The following ATG7 variants were observed in gnomAD, a reference collection of about 807,000 sequenced individuals.
ATG7 encodes autophagy related 7, also known as ubiquitin-like modifier-activating enzyme ATG7.
A neutral mutation model predicts 82.4 loss-of-function variants in ATG7; 70 were observed. That is an observed-to-expected ratio of 0.85 (90% CI 0.70 to 1.04). ATG7 has a LOEUF of 1.04. Ranked by LOEUF, ATG7 falls within the 50% of genes least tolerant of loss-of-function variation. The pLI, the probability that ATG7 is intolerant of heterozygous loss-of-function variation, is 0.00. For missense variants in ATG7, 792 were observed against 864.3 expected (o/e 0.92, Z 1.05); for synonymous variants, 287 against 313.0 (o/e 0.92, Z 0.88).
intron 15 of ATG7, among the ~76,000 whole-genome samples, chr3:11,359,078 G>A (rs11713733): frequency 0.2 from 30,857 of 151,788 alleles, 3,554 homozygotes; most frequent in South Asian, 0.35. Context: ...ATACAATATT[G>A]TATATATTTT....
chr3:11,477,309 T>G, intron 20 of ATG7: 1 of 1,193,338 alleles, frequency 8.4e-7, no homozygotes. Context: ...TAAATAAGAA[T>G]TTTTGTGCTA....
At chr3:11,517,751 C>G (rs1278997062) in intron 20 of ATG7, among the ~76,000 whole-genome samples, 1 of 152,228 alleles carries the variant, frequency 6.6e-6, no homozygotes, top group Non-Finnish European at 1.5e-5. Flanking sequence ...AGAGGAGAAA[C>G]CATCTGTGAC....
chr3:11,302,199 T>C (rs1181632625), intron 5 of ATG7, among the ~76,000 whole-genome samples: 1 of 150,972 alleles, frequency 6.6e-6, no homozygotes, highest in Non-Finnish European at 1.5e-5. Context: ...GCTAATTAAC[T>C]GTGCTACTTC....
At chr3:11,322,954 C>T (rs918585422) in intron 9 of ATG7, among the ~76,000 whole-genome samples, 1 of 152,146 alleles carries the variant, frequency 6.6e-6, no homozygotes, top group Non-Finnish European at 1.5e-5. Context: ...TAAAAATTAG[C>T]TAGGTGTGGT....
intron 9 of ATG7, among the ~76,000 whole-genome samples, chr3:11,319,604 G>A (rs575345397): frequency 6.6e-6 from 1 of 152,254 alleles, no homozygotes; most frequent in East Asian, 1.9e-4. Context: ...TCTGGACCCC[G>A]GGCCATATTA....
At chr3:11,574,071 C>T in the ATG7 span, among the ~76,000 whole-genome samples, 35 of 152,296 alleles carry the variant, frequency 2.3e-4, no homozygotes, top group Admixed American at 1.0e-3. Flanking sequence ...CCACAGCCCT[C>T]AGAAGCAGCC....
chr3:11,363,669 G>A (rs550337964), intron 17 of ATG7, among the ~76,000 whole-genome samples: 2 of 152,320 alleles, frequency 1.3e-5, no homozygotes, highest in African/African-American at 4.8e-5. Flanking sequence ...ATAGTAAATG[G>A]AAAAGCCAGG....
At chr3:11,482,547 A>G (rs1300568610) in intron 20 of ATG7, among the ~76,000 whole-genome samples, 1 of 152,022 alleles carries the variant, frequency 6.6e-6, no homozygotes, top group Non-Finnish European at 1.5e-5. Flanking sequence ...CCCCTGCTCC[A>G]CCTGGGTCTA....
chr3:11,362,528 G>T (rs549339816), intron 16 of ATG7, among the ~76,000 whole-genome samples: 2 of 152,316 alleles, frequency 1.3e-5, no homozygotes, highest in South Asian at 4.1e-4. Context: ...ACATGATGCA[G>T]TTCCATTATA....
In ATG7 at chr3:11,307,009, G is replaced by A. The variant is rs1947861522; in HGVS notation, c.282G>A (p.Glu94=). ...IGTLYNTNTL[E]SFKTADKKLL... ...CACTGTATAACACCAACACACTCGA[G>A]TCTTTCAAGACTGCAGATAAGAAGC... The change falls in exon 6 of 21, where the codon GAG becomes GAA. Residue 94 remains glutamate, a synonymous_variant. Coordinates refer to ENST00000693202, the MANE Select transcript of ATG7 (RefSeq NM_001349232.2). 1.2e-6 allele frequency: 2 copies of A among 1,614,076 alleles called. No homozygotes were observed. Among genetic ancestry groups the A allele is most frequent in the Non-Finnish European group, 1.7e-6 (2 of 1,180,008 alleles).
intron 9 of ATG7, among the ~76,000 whole-genome samples, chr3:11,319,746 G>A (rs116428120): frequency 0.022 from 3,411 of 152,204 alleles, 121 homozygotes; most frequent in African/African-American, 0.078. Context: ...TTATCCTACC[G>A]GACAGCTGTC....
At chr3:11,534,679 G>C (rs1409915808) in intron 20 of ATG7, among the ~76,000 whole-genome samples, 3 of 152,242 alleles carry the variant, frequency 2.0e-5, no homozygotes, top group Admixed American at 1.3e-4. Flanking sequence ...AATGGCCCTA[G>C]TGGTGTCAAA....
chr3:11,300,002 G>A (rs1946533390), intron 5 of ATG7, among the ~76,000 whole-genome samples: 1 of 151,236 alleles, frequency 6.6e-6, no homozygotes, highest in Non-Finnish European at 1.5e-5. Context: ...TCAGCCCACT[G>A]CAACCTCTTC....
chr3:11,316,811 G>C (rs993555751), intron 9 of ATG7, among the ~76,000 whole-genome samples: 17 of 152,150 alleles, frequency 1.1e-4, no homozygotes, highest in African/African-American at 4.1e-4. Context: ...AAGATTATGA[G>C]TGTTATGAAG....
At chr3:11,525,556 C>CTT (rs58430409) in intron 20 of ATG7, among the ~76,000 whole-genome samples, 94 of 123,670 alleles carry the variant, frequency 7.6e-4, no homozygotes, top group Middle Eastern at 4.1e-3. Flanking sequence ...TAGTTATAGC[C>CTT]TTTTTTTTTT....
In ATG7 at chr3:11,554,971, TCC is replaced by T; in HGVS notation, c.*133_*134del. The T allele has an allele frequency of 8.2e-7, 1 of 1,214,150 alleles. No homozygotes were observed. The highest frequency in any genetic ancestry group is 1.1e-6 in the Non-Finnish European group (1 of 885,178). The allele number at this position is 1,214,150 out of a possible 1,614,324, so 75.2% of individuals were successfully genotyped here. A position where few individuals can be genotyped will look rare whatever the true frequency, so the allele number is the denominator to read the frequency against. ...TCCTCCATACCCCGAGGTCTGGGATTCCCCCCTCTGCTGCCCAGGAGTGGCCA... is the reference window on the plus strand; with the variant it reads ...TCCTCCATACCCCGAGGTCTGGGATTCCCCTCTGCTGCCCAGGAGTGGCCA... On this transcript the variant is annotated 3_prime_UTR_variant, in exon 21 of 21. Transcript: ENST00000693202.
chr3:11,315,836 C>G (rs1949331550), intron 9 of ATG7, among the ~76,000 whole-genome samples: 1 of 152,206 alleles, frequency 6.6e-6, no homozygotes, highest in Non-Finnish European at 1.5e-5. Flanking sequence ...AAGCGATTCT[C>G]CTGGTCAGCC....
At chr3:11,429,220 G>A (rs2082635280) in intron 20 of ATG7, among the ~76,000 whole-genome samples, 2 of 152,306 alleles carry the variant, frequency 1.3e-5, no homozygotes, top group South Asian at 2.1e-4. Context: ...TTTAGGCGGG[G>A]CGTGGTGGCT....
At chr3:11,460,595 A>G (rs1217296386) in intron 20 of ATG7, among the ~76,000 whole-genome samples, 1 of 152,200 alleles carries the variant, frequency 6.6e-6, no homozygotes, top group Non-Finnish European at 1.5e-5. Flanking sequence ...TCAAGAGGAG[A>G]ACAGAATGTA....
Sources: gnomAD v4.1 joint callset for allele counts (sites outside exome capture counted in the v4.1 genomes callset) on GRCh38, gnomAD v4.1.1 for gene constraint, MANE v1.5 for transcripts, NCBI Gene and HGNC (gene_info 2026-07-23, HGNC 2026-07-21) for gene names.